MAP6: variants seen among roughly 807,000 people sequenced by gnomAD.
The protein encoded by MAP6 is microtubule associated protein 6.
Under a neutral mutation model 42.4 loss-of-function variants are expected in MAP6, and 26 were observed. That is an observed-to-expected ratio of 0.61 (90% CI 0.45 to 0.85). The LOEUF is 0.85. Ranked by LOEUF, MAP6 falls within the 40% of genes least tolerant of loss-of-function variation. The pLI, the probability that MAP6 is intolerant of heterozygous loss-of-function variation, is 0.00. For missense variants in MAP6, 966 were observed against 1,099.0 expected, an observed-to-expected ratio of 0.88 and a Z score of 1.71; for synonymous variants, 418 against 443.8, an observed-to-expected ratio of 0.94 and a Z score of 0.73.
At chr11:75,630,624 A>C (rs1943270671) in intron 1 of MAP6, among the ~76,000 whole-genome samples, 1 of 152,226 alleles carries the variant, frequency 6.6e-6, no homozygotes, top group African/African-American at 2.4e-5. Context: ...GTGACCTACT[A>C]GTCACTCCTA....
chr11:75,654,698 A>G (rs1236720524), intron 1 of MAP6, among the ~76,000 whole-genome samples: 1 of 152,230 alleles, frequency 6.6e-6, no homozygotes, highest in Non-Finnish European at 1.5e-5. Context: ...GATAATAATA[A>G]AAGTAGCCAG....
chr11:75,598,113 C>T (rs1056528321), intron 3 of MAP6, among the ~76,000 whole-genome samples: 5 of 152,110 alleles, frequency 3.3e-5, no homozygotes, highest in African/African-American at 7.2e-5. Context: ...ACAAACAGGT[C>T]GAAATAAATA....
intron 1 of MAP6, among the ~76,000 whole-genome samples, chr11:75,657,867 C>T (rs1001044666): frequency 6.6e-6 from 1 of 152,180 alleles, no homozygotes; most frequent in Non-Finnish European, 1.5e-5. Context: ...TGTGATTACA[C>T]TGAACCCAAG....
chr11:75,617,170 T>G (rs1453208280), intron 1 of MAP6, among the ~76,000 whole-genome samples: 1 of 152,068 alleles, frequency 6.6e-6, no homozygotes, highest in Admixed American at 6.6e-5. Flanking sequence ...TCAAAGAAAG[T>G]CCACAGGCAC....
At chr11:75,645,283 G>T (rs17134217) in intron 1 of MAP6, among the ~76,000 whole-genome samples, 1 of 151,836 alleles carries the variant, frequency 6.6e-6, no homozygotes, top group Non-Finnish European at 1.5e-5. Flanking sequence ...GTTGCCCCAC[G>T]GTGTAATGGA....
chr11:75,600,650 G>A (rs562997013), intron 3 of MAP6, among the ~76,000 whole-genome samples: 20 of 152,274 alleles, frequency 1.3e-4, no homozygotes, highest in Middle Eastern at 3.4e-3. Context: ...TTGCTTTAAC[G>A]CAGATGGTTC....
At chr11:75,624,952 A>T (rs528389211) in intron 1 of MAP6, among the ~76,000 whole-genome samples, 1 of 152,304 alleles carries the variant, frequency 6.6e-6, no homozygotes, top group South Asian at 2.1e-4. Context: ...TAACAAAAAG[A>T]TGTGAACTGG....
intron 1 of MAP6, among the ~76,000 whole-genome samples, chr11:75,663,311 A>G (rs909566120): frequency 2.6e-5 from 4 of 152,294 alleles, no homozygotes; most frequent in Non-Finnish European, 5.9e-5. Context: ...TGAGGAAGAC[A>G]CAATTTTCTT....
At chr11:75,611,274 C>T (rs1336696348) in intron 1 of MAP6, among the ~76,000 whole-genome samples, 1 of 152,270 alleles carries the variant, frequency 6.6e-6, no homozygotes, top group Non-Finnish European at 1.5e-5. Context: ...TTCTCTGTCG[C>T]ACCCCTGCCC....
At chr11:75,655,245 T>C (rs1464184312) in intron 1 of MAP6, among the ~76,000 whole-genome samples, 3 of 152,220 alleles carry the variant, frequency 2.0e-5, no homozygotes, top group Non-Finnish European at 4.4e-5. Flanking sequence ...AAATCCAACC[T>C]AATTCCCTGC....
chr11:75,630,705 A>G (rs2135632698), intron 1 of MAP6, among the ~76,000 whole-genome samples: 1 of 152,366 alleles, frequency 6.6e-6, no homozygotes, highest in South Asian at 2.1e-4. Context: ...ACTGAGTTCC[A>G]GCTTCCTATC....
At chr11:75,604,022 C>A in intron 3 of MAP6, 3 of 985,816 alleles carry the variant, frequency 3.0e-6, no homozygotes, top group Non-Finnish European at 3.6e-6. Flanking sequence ...GTGCCAGGAT[C>A]CACTCTAGTC....
chr11:75,648,498 A>AAAACAAACAAAC (rs145625627), intron 1 of MAP6, among the ~76,000 whole-genome samples: 11 of 151,928 alleles, frequency 7.2e-5, no homozygotes, highest in African/African-American at 2.4e-4. Context: ...ACCCTGTCTA[A>AAAACAAACAAAC]AAACAAACAA....
intron 1 of MAP6, among the ~76,000 whole-genome samples, chr11:75,661,367 C>T (rs1943840657): frequency 6.6e-6 from 1 of 151,810 alleles, no homozygotes; most frequent in African/African-American, 2.4e-5. Context: ...ACCTTGATTC[C>T]AACAGTACAT....
At chr11:75,608,793 C>T (rs1478178703) in intron 1 of MAP6, among the ~76,000 whole-genome samples, 1 of 152,204 alleles carries the variant, frequency 6.6e-6, no homozygotes, top group African/African-American at 2.4e-5. Flanking sequence ...TCCCTTCCCC[C>T]CTTTTTCATA....
chr11:75,605,288 T>C, intron 3 of MAP6: 1 of 986,262 alleles, frequency 1.0e-6, no homozygotes, highest in Non-Finnish European at 1.2e-6. Context: ...AGGCCAAGGT[T>C]GTTTCTTTTT....
intron 1 of MAP6, among the ~76,000 whole-genome samples, chr11:75,651,798 A>G (rs1943650863): frequency 6.6e-6 from 1 of 152,218 alleles, no homozygotes; most frequent in East Asian, 1.9e-4. Context: ...CAGCCGAACC[A>G]AGTATTCTTA....
chr11:75,598,341 T>C (rs1166040384), intron 3 of MAP6, among the ~76,000 whole-genome samples: 1 of 152,156 alleles, frequency 6.6e-6, no homozygotes, highest in South Asian at 2.1e-4. Context: ...GTGAAATGTG[T>C]GGTGGTGGGG....
chr11:75,608,625 T>C (rs1185371085), intron 1 of MAP6, among the ~76,000 whole-genome samples: 1 of 152,156 alleles, frequency 6.6e-6, no homozygotes, highest in Non-Finnish European at 1.5e-5. Flanking sequence ...TTCCCAATCT[T>C]GAAAATGAGA....
Sources: gnomAD v4.1 joint callset for allele counts (sites outside exome capture counted in the v4.1 genomes callset) on GRCh38, gnomAD v4.1.1 for gene constraint, MANE v1.5 for transcripts, NCBI Gene and HGNC (gene_info 2026-07-23, HGNC 2026-07-21) for gene names.